Variants in LSP1 observed in about 807,000 individuals in gnomAD.
The protein encoded by LSP1 is lymphocyte specific protein 1.
Under a neutral mutation model 49.3 loss-of-function variants are expected in LSP1, and 32 were observed. The ratio of observed to expected loss-of-function variants is 0.65; its 90% CI spans 0.49 to 0.87. The LOEUF is 0.87. Among genes scored for constraint, LSP1 ranks in the 40% least tolerant of loss-of-function variants. The pLI, the probability that LSP1 is intolerant of heterozygous loss-of-function variation, is 0.00. For missense variants in LSP1, 428 were observed against 442.6 expected, an observed-to-expected ratio of 0.97 and a Z score of 0.30; for synonymous variants, 179 against 178.8, an observed-to-expected ratio of 1.00 and a Z score of -0.01.
Position 1,881,454 on chromosome 11 carries a change from GC to G in LSP1, c.218del (p.Pro73LeufsTer66). On this transcript the variant is annotated frameshift_variant, in exon 3 of 11. Transcript: ENST00000311604. LOFTEE classifies it high-confidence loss of function. Reference sequence around the variant, plus strand: ...CAGCCTCAGCCTGAAGCCCTCGGAGGCCCCTGAACTGGATGAGGACGAGGGC... The same window carrying G: ...CAGCCTCAGCCTGAAGCCCTCGGAGGCCCTGAACTGGATGAGGACGAGGGC... ...EMLLSLKPSE[A>X]PELDEDEGFG... 3 of 1,578,596 alleles carry G rather than the reference GC, an allele frequency of 1.9e-6. No individual in the cohort carries two copies. The highest frequency in any genetic ancestry group is 1.8e-5 in the Admixed American group (1 of 55,132).
rs12419841 is a variant in LSP1 at position 1,882,964 on chromosome 11, C to A, written c.357-455C>A. 3.6e-3 allele frequency among the ~76,000 whole-genome samples: 552 copies of A among 152,360 alleles called. 7 individuals carry two copies. The highest frequency in any genetic ancestry group is 0.022 in the Admixed American group (336 of 15,308). On this transcript the variant is annotated intron_variant, in intron 3 of 10. Coordinates refer to ENST00000311604, the MANE Select transcript of LSP1 (RefSeq NM_002339.3). ...TGACCTGGCCCCTACCCCTGCCTAG[C>A]CCTCCAAATGACCCAGCCTCCAGTC...
intron 10 of LSP1, chr11:1,889,617 C>A: frequency 1.6e-6 from 1 of 614,582 alleles, no homozygotes. Context: ...TGGGTGAGGG[C>A]CTGATGGTGG....
At chr11:1,876,736 GGAAGGA>G in intron 1 of LSP1, 2 of 730,760 alleles carry the variant, frequency 2.7e-6, no homozygotes, top group Non-Finnish European at 3.3e-6. Flanking sequence ...GGTTTGTGGA[GGAAGGA>G]GAAGAAGGGC....
intron 1 of LSP1, chr11:1,876,696 C>G: frequency 1.1e-6 from 1 of 918,258 alleles, no homozygotes; most frequent in African/African-American, 1.8e-5. Context: ...AGGCCCTCAG[C>G]GGGGACTGGG....
chr11:1,856,096 C>T (rs1199298517), intron 1 of LSP1, among the ~76,000 whole-genome samples: 1 of 152,206 alleles, frequency 6.6e-6, no homozygotes, highest in African/African-American at 2.4e-5. Context: ...CGTGCCCACC[C>T]CATGTCCACA....
chr11:1,886,229 G>A (rs1165305339), intron 7 of LSP1, among the ~76,000 whole-genome samples: 2 of 150,428 alleles, frequency 1.3e-5, no homozygotes, highest in Non-Finnish European at 3.0e-5. Flanking sequence ...GAACCAATAC[G>A]GCTCTATCCA....
intron 1 of LSP1, among the ~76,000 whole-genome samples, chr11:1,872,201 TG>T (rs1848054995): frequency 7.9e-6 from 1 of 127,286 alleles, no homozygotes; most frequent in African/African-American, 3.1e-5. Context: ...TGGGCACCTT[TG>T]GGACGGGGTG....
chr11:1,857,539 C>A (rs559951766), intron 1 of LSP1, among the ~76,000 whole-genome samples: 1 of 152,300 alleles, frequency 6.6e-6, no homozygotes, highest in African/African-American at 2.4e-5. Context: ...GTGAGCTCTG[C>A]CTTGCAGTCC....
chr11:1,866,308 C>T (rs1847786723), intron 1 of LSP1, among the ~76,000 whole-genome samples: 1 of 152,216 alleles, frequency 6.6e-6, no homozygotes, highest in Non-Finnish European at 1.5e-5. Flanking sequence ...CATCGGTCGG[C>T]TTGCCACTGC....
chr11:1,871,524 GC>G, intron 1 of LSP1: 1 of 963,336 alleles, frequency 1.0e-6, no homozygotes, highest in Non-Finnish European at 1.2e-6. Context: ...CCAATGGGAA[GC>G]CAGGGGTAGA....
chr11:1,874,084 C>CGGCAGAGGAGGGAGGCT (rs1848191300), intron 1 of LSP1, among the ~76,000 whole-genome samples: 2 of 90,850 alleles, frequency 2.2e-5, no homozygotes, highest in Admixed American at 1.1e-4. Flanking sequence ...GGAGGGAGGC[C>CGGCAGAGGAGGGAGGCT]GGCAGAGCAG....
Position 1,884,268 on chromosome 11 carries a change from C to T in LSP1, c.592-12C>T. The T allele has an allele frequency of 1.9e-6, 3 of 1,614,078 alleles. No homozygotes were observed. The highest frequency in any genetic ancestry group is 2.5e-6 in the Non-Finnish European group (3 of 1,179,972). On this transcript the variant is annotated splice_polypyrimidine_tract_variant and intron_variant, in intron 5 of 10. Transcript: ENST00000311604. The surrounding 1 kb of genome is among the most constrained non-coding windows in gnomAD (Gnocchi z 4.1). ...GCTGCTGCAGGCCTGTGTCTCTCTC[C>T]ACCCTCTGCAGCTCATCGACAGGAC... is the stretch of plus-strand genomic sequence containing the variant.
chr11:1,890,385 G>C (rs141217271), intron 10 of LSP1: 24 of 716,952 alleles, frequency 3.3e-5, no homozygotes, highest in Non-Finnish European at 6.0e-5. Context: ...ACTCACGGGG[G>C]ACAGGGAGGT....
chr11:1,858,224 G>A (rs1565069572), intron 1 of LSP1, among the ~76,000 whole-genome samples: 1 of 152,204 alleles, frequency 6.6e-6, no homozygotes, highest in African/African-American at 2.4e-5. Flanking sequence ...CCCCTGTGGG[G>A]TTCGGGTGCT....
At chr11:1,887,196 C>A (rs1313785270) in intron 8 of LSP1, 41 bp from the exon 9 acceptor site, 1 of 1,391,746 alleles carries the variant, frequency 7.2e-7, no homozygotes, top group Admixed American at 2.0e-5. Context: ...CCCCAAGATC[C>A]AGGGGTCTGC....
chr11:1,890,625 C>T, intron 10 of LSP1: 1 of 683,604 alleles, frequency 1.5e-6, no homozygotes, highest in South Asian at 1.5e-5. Flanking sequence ...TCAGGCCAGC[C>T]CTCCTCCCTC....
Position 1,879,911 on chromosome 11 carries a change from C to A in LSP1, c.54-176C>A, listed in dbSNP as rs79464899. ...AGAGGGCACCTCATGACCACGTGGG[C>A]AGCCTCTATTTAAAGATGGACAAGG... On this transcript the variant is annotated intron_variant, in intron 1 of 10. Transcript: ENST00000311604. The A allele has an allele frequency of 5.1e-4, 337 of 659,896 alleles. 2 individuals are homozygous for A. In the East Asian group the frequency reaches 0.011, roughly 21 times the overall value. 40.9% of individuals were successfully genotyped at this position (659,896 alleles called of 1,614,324 possible). A position where few individuals can be genotyped will look rare whatever the true frequency, so the allele number is the denominator to read the frequency against.
intron 7 of LSP1, among the ~76,000 whole-genome samples, chr11:1,885,228 T>G (rs1398568085): frequency 2.0e-5 from 3 of 151,298 alleles, no homozygotes. Context: ...CAACCAATAC[T>G]CATCTATCCA....
At chr11:1,863,718 A>G (rs1589808369) in intron 1 of LSP1, 1 of 152,292 alleles carries the variant, frequency 6.6e-6, no homozygotes, top group East Asian at 1.9e-4. Context: ...AGAGGAACAG[A>G]GGGCTGGGCT....
Sources: allele counts gnomAD v4.1 joint callset (sites outside exome capture counted in the v4.1 genomes callset), GRCh38; gene constraint gnomAD v4.1.1; non-coding constraint Gnocchi (gnomAD v3.1); transcripts MANE v1.5; gene names NCBI Gene and HGNC (gene_info 2026-07-23, HGNC 2026-07-21).